VPS13B: variants seen among roughly 807,000 people sequenced by gnomAD.
VPS13B encodes intermembrane lipid transfer protein VPS13B.
In VPS13B, 285 loss-of-function variants were observed where a neutral mutation model predicts 426.4. The observed-to-expected ratio is 0.67, with a 90% CI of 0.61 to 0.74. The LOEUF (loss-of-function observed/expected upper bound fraction) is 0.74. Ranked by LOEUF, VPS13B falls within the 30% of genes least tolerant of loss-of-function variation. The pLI is 0.00. For missense variants in VPS13B, 4,537 were observed against 4,782.6 expected (o/e 0.95, Z 1.51); for synonymous variants, 1,676 against 1,676.4 (o/e 1.00, Z 0.01).
chr8:99,472,150 CGTA>C (rs1819444804), intron 24 of VPS13B, among the ~76,000 whole-genome samples: 1 of 151,754 alleles, frequency 6.6e-6, no homozygotes, highest in Admixed American at 6.6e-5. Context: ...ATTCTAGAAT[CGTA>C]GTAGGAAATT....
chr8:99,872,241 A>G (rs1817459048), intron 61 of VPS13B, among the ~76,000 whole-genome samples: 1 of 151,448 alleles, frequency 6.6e-6, no homozygotes. Context: ...ATGAAACAAG[A>G]CTCTCCACTC....
chr8:99,299,427 G>A (rs1308934725), intron 19 of VPS13B, among the ~76,000 whole-genome samples: 1 of 151,956 alleles, frequency 6.6e-6, no homozygotes, highest in Non-Finnish European at 1.5e-5. Flanking sequence ...AGTTTTGTAA[G>A]GCTTAAGTTA....
intron 35 of VPS13B, chr8:99,697,243 A>G: frequency 1.7e-6 from 1 of 578,184 alleles, no homozygotes. Flanking sequence ...CTGCAGGAGG[A>G]GGCAGCCATC....
intron 16 of VPS13B, among the ~76,000 whole-genome samples, chr8:99,180,710 G>A (rs1041752563): frequency 9.2e-5 from 14 of 152,114 alleles, no homozygotes; most frequent in African/African-American, 3.4e-4. Context: ...AATAGATATA[G>A]TTCATATGAA....
intron 30 of VPS13B, among the ~76,000 whole-genome samples, chr8:99,556,172 G>T (rs1312837824): frequency 1.3e-5 from 2 of 152,118 alleles, no homozygotes; most frequent in Non-Finnish European, 2.9e-5. Flanking sequence ...TTGAAATCAT[G>T]TATGTGAGAG....
chr8:99,413,767 C>T (rs1815828233), intron 21 of VPS13B, among the ~76,000 whole-genome samples: 1 of 152,168 alleles, frequency 6.6e-6, no homozygotes, highest in Non-Finnish European at 1.5e-5. Context: ...ATCTTGAGTT[C>T]TAATTTTATT....
At chr8:99,630,187 G>T (rs1828783684) in intron 33 of VPS13B, among the ~76,000 whole-genome samples, 1 of 151,532 alleles carries the variant, frequency 6.6e-6, no homozygotes, top group African/African-American at 2.4e-5. Context: ...AATGAGGAGT[G>T]CAAGTCTCTT....
chr8:99,530,555 A>G (rs1322344445), intron 30 of VPS13B, among the ~76,000 whole-genome samples: 1 of 151,254 alleles, frequency 6.6e-6, no homozygotes, highest in Non-Finnish European at 1.5e-5. Flanking sequence ...TGGAGGTTGC[A>G]GTGAGCCGAG....
At chr8:99,759,151 A>G (rs547016767) in intron 39 of VPS13B, among the ~76,000 whole-genome samples, 42 of 152,232 alleles carry the variant, frequency 2.8e-4, no homozygotes, top group African/African-American at 9.6e-4. Context: ...TAAATTACCC[A>G]GCCAAAACCC....
chr8:99,148,461 T>A (rs1357445826), intron 14 of VPS13B, among the ~76,000 whole-genome samples: 2 of 152,090 alleles, frequency 1.3e-5, no homozygotes, highest in Non-Finnish European at 2.9e-5. Context: ...TAACTGTTAA[T>A]TTTTAAAATG....
At chr8:99,468,289 TA>T (rs956370270) in intron 24 of VPS13B, among the ~76,000 whole-genome samples, 1 of 152,148 alleles carries the variant, frequency 6.6e-6, no homozygotes, top group African/African-American at 2.4e-5. Flanking sequence ...GAATGATGGT[TA>T]GTCTATTTGA....
chr8:99,525,436 G>T (rs1487139160), intron 30 of VPS13B, among the ~76,000 whole-genome samples: 2 of 152,148 alleles, frequency 1.3e-5, no homozygotes, highest in South Asian at 4.1e-4. Flanking sequence ...AGCTGATAAT[G>T]TGTCATAGGG....
At chr8:99,291,351 A>G (rs1819723455) in intron 19 of VPS13B, among the ~76,000 whole-genome samples, 1 of 152,140 alleles carries the variant, frequency 6.6e-6, no homozygotes, top group African/African-American at 2.4e-5. Flanking sequence ...AGTTCTTTCT[A>G]CGTGCCAGGA....
At chr8:99,071,437 C>T (rs1844847864) in intron 3 of VPS13B, among the ~76,000 whole-genome samples, 1 of 152,198 alleles carries the variant, frequency 6.6e-6, no homozygotes, top group Admixed American at 6.5e-5. Context: ...GATTACTGAG[C>T]TCCATGCTGA....
Position 99,138,939 on chromosome 8 carries a change from T to C in VPS13B, c.1651+2187T>C, listed in dbSNP as rs560963863. On this transcript the variant is annotated intron_variant, in intron 12 of 61. Coordinates refer to ENST00000357162, the MANE Select transcript of VPS13B (RefSeq NM_152564.5). Reference sequence around the variant, plus strand: ...TGTATATATGCCTCTCCTGCAGTTTTTAAAAGATAGAAACATGATTTATGT... The same window carrying C: ...TGTATATATGCCTCTCCTGCAGTTTCTAAAAGATAGAAACATGATTTATGT... 4.7e-4 allele frequency among the ~76,000 whole-genome samples: 72 copies of C among 152,342 alleles called. 1 individual carries two copies. Among genetic ancestry groups the C allele is most frequent in the African/African-American group, 1.7e-3 (70 of 41,574 alleles).
chr8:99,784,597 C>A, intron 43 of VPS13B, 121 bp downstream of exon 43: 1 of 1,318,012 alleles, frequency 7.6e-7, no homozygotes, highest in Non-Finnish European at 1.1e-6. Flanking sequence ...CACAGCGTAG[C>A]TACATCTGAC....
intron 17 of VPS13B, among the ~76,000 whole-genome samples, chr8:99,246,178 C>A (rs1817205882): frequency 6.6e-6 from 1 of 152,224 alleles, no homozygotes; most frequent in Non-Finnish European, 1.5e-5. Flanking sequence ...TTAGATTTCT[C>A]ATATCAAAAT....
intron 19 of VPS13B, among the ~76,000 whole-genome samples, chr8:99,329,984 T>C (rs932500296): frequency 3.3e-5 from 5 of 151,878 alleles, no homozygotes; most frequent in African/African-American, 9.7e-5. Context: ...TTCCAGACAG[T>C]GCTATATTTC....
chr8:99,550,884 G>A (rs141357728), intron 30 of VPS13B, among the ~76,000 whole-genome samples: 16 of 152,032 alleles, frequency 1.1e-4, no homozygotes, highest in African/African-American at 3.9e-4. Context: ...GAATTGTATT[G>A]TGCTCAGAGG....
Sources: gnomAD v4.1 joint callset for allele counts (sites outside exome capture counted in the v4.1 genomes callset) on GRCh38, gnomAD v4.1.1 for gene constraint, MANE v1.5 for transcripts, NCBI Gene and HGNC (gene_info 2026-07-23, HGNC 2026-07-21) for gene names.